The following SORT1 variants were observed in gnomAD, a reference collection of about 807,000 sequenced individuals.
SORT1 encodes the protein sortilin 1, also known as sortilin.
A neutral mutation model predicts 101.7 loss-of-function variants in SORT1; 39 were observed. That is an observed-to-expected ratio of 0.38 (90% CI 0.30 to 0.50). The LOEUF (loss-of-function observed/expected upper bound fraction) is 0.50, where lower values mean the gene tolerates loss of function less well. SORT1 is among the 20% of genes least tolerant of loss of function. The pLI is 0.90. For missense variants in SORT1, 878 were observed against 1,040.4 expected (o/e 0.84, Z 2.15); for synonymous variants, 396 against 393.7 (o/e 1.01, Z -0.07).
chr1:109,329,227 T>C (rs1403659630), intron 11 of SORT1, among the ~76,000 whole-genome samples: 1 of 152,192 alleles, frequency 6.6e-6, no homozygotes, highest in Non-Finnish European at 1.5e-5. Flanking sequence ...ACTCAAATGG[T>C]AGCCAAAAGA....
Position 109,397,676 on chromosome 1 carries a change from C to T in SORT1, c.217G>A (p.Gly73Ser). 8.3e-7 allele frequency: 1 copy of T among 1,204,732 alleles called. No homozygotes were observed. Among genetic ancestry groups the T allele is most frequent in the Non-Finnish European group, 1.0e-6 (1 of 969,268 alleles). The allele number at this position is 1,204,732 out of a possible 1,614,324, so 74.6% of individuals were successfully genotyped here. Residue 73 changes from glycine to serine, a missense_variant, in exon 1 of 20, where the codon GGC (glycine) becomes AGC (serine). Physicochemically the swap from Gly to Ser is moderately conservative, Grantham distance 56. Coordinates refer to ENST00000256637, the MANE Select transcript of SORT1 (RefSeq NM_002959.7). ...CCCGGCGCGCTGCGACGCCAACGGC[C>T]GCCGCGGGGAAACGCGCCCCCGGCT... ...AAAGGAFPRGGRWRRSAPGED... is the reference protein window; with the variant it reads ...AAAGGAFPRGSRWRRSAPGED...
chr1:109,340,568 T>C (rs1318820816), intron 10 of SORT1, among the ~76,000 whole-genome samples, 156 bp downstream of exon 10: 3 of 151,284 alleles, frequency 2.0e-5, no homozygotes, highest in Non-Finnish European at 4.4e-5. Flanking sequence ...GTTAGACATA[T>C]TGCCACAATA....
intron 8 of SORT1, among the ~76,000 whole-genome samples, chr1:109,344,871 A>AT (rs1206002776): frequency 2.6e-5 from 4 of 151,666 alleles, no homozygotes; most frequent in Admixed American, 2.0e-4. Context: ...TAATTTTCTT[A>AT]TTTTTTGTAG....
chr1:109,352,071 T>C (rs7536292), intron 5 of SORT1, among the ~76,000 whole-genome samples: 26,476 of 151,614 alleles, frequency 0.17, 2,589 homozygotes, highest in East Asian at 0.34. Context: ...ATAGGATGCA[T>C]TGTGATATCA....
intron 10 of SORT1, among the ~76,000 whole-genome samples, chr1:109,337,620 CCTA>C (rs760241628): frequency 1.3e-5 from 2 of 151,956 alleles, no homozygotes; most frequent in African/African-American, 2.4e-5. Context: ...CTACTGAGTG[CCTA>C]CTATGTGAAA....
intron 1 of SORT1, among the ~76,000 whole-genome samples, chr1:109,378,779 G>A (rs1245448792): frequency 1.8e-5 from 2 of 113,786 alleles, no homozygotes; most frequent in African/African-American, 6.7e-5. Flanking sequence ...TTATGTGTTA[G>A]TTGTATAAAT....
intron 13 of SORT1, among the ~76,000 whole-genome samples, chr1:109,325,557 A>G (rs1385207434): frequency 6.6e-6 from 1 of 152,098 alleles, no homozygotes; most frequent in African/African-American, 2.4e-5. Flanking sequence ...TTAACTTTTA[A>G]CGTCTGTAGT....
intron 1 of SORT1, among the ~76,000 whole-genome samples, chr1:109,378,745 T>C (rs1391112442): frequency 1.2e-5 from 1 of 81,540 alleles, no homozygotes; most frequent in Non-Finnish European, 2.5e-5. Context: ...TATATATATA[T>C]ATATATATAT....
rs1653279768 is a variant in SORT1 at position 109,397,707 on chromosome 1, C to A, written c.186G>T (p.Ala62=). ...GGGGAAACGCGCCCCCGGCTGCGGC[C>A]GCCCGCAGCCCCCAGCTCACCCCGA... ...GPIGVSWGLR[A]AAAGGAFPRG... Residue 62 remains alanine, a synonymous_variant, in exon 1 of 20, where the codon GCG becomes GCT. Transcript: ENST00000256637. 10 of 1,191,444 alleles carry A rather than the reference C, an allele frequency of 8.4e-6. No homozygotes were observed. The highest frequency in any genetic ancestry group is 1.0e-5 in the Non-Finnish European group (10 of 964,046). 73.8% of individuals were successfully genotyped at this position (1,191,444 alleles called of 1,614,324 possible). A position where few individuals can be genotyped will look rare whatever the true frequency, so the allele number is the denominator to read the frequency against.
intron 14 of SORT1, among the ~76,000 whole-genome samples, chr1:109,324,021 G>A (rs1570894239): frequency 1.3e-5 from 2 of 152,342 alleles, no homozygotes; most frequent in East Asian, 3.9e-4. Flanking sequence ...GCCCACGACA[G>A]TCTCAAAGGA....
rs750567164 is a variant in SORT1 at position 109,327,038 on chromosome 1, T to C, written c.1597A>G (p.Ile533Val). ...HYYTILDSGGIIVAIEHSSRP... is the reference protein window; with the variant it reads ...HYYTILDSGGVIVAIEHSSRP... ...CTGCTGTGCTCAATGGCCACAATGA[T>C]GCCTCCAGAATCCAGGATGGTGTAA... Residue 533 changes from isoleucine to valine, a missense_variant, in exon 13 of 20, where the codon ATC (isoleucine) becomes GTC (valine). By Grantham distance (29) the Ile-to-Val change is conservative. Transcript: ENST00000256637. 5 of 1,612,772 alleles carry C rather than the reference T, an allele frequency of 3.1e-6. No homozygotes were observed. Among genetic ancestry groups the C allele is most frequent in the Non-Finnish European group, 4.2e-6 (5 of 1,179,974 alleles).
intron 1 of SORT1, among the ~76,000 whole-genome samples, chr1:109,370,929 T>A: frequency 6.6e-6 from 1 of 152,294 alleles, no homozygotes; most frequent in Non-Finnish European, 1.5e-5. Context: ...AAGCCACCAA[T>A]CCCACATAGA....
At chr1:109,381,356 T>G (rs1046707525) in intron 1 of SORT1, among the ~76,000 whole-genome samples, 2 of 152,130 alleles carry the variant, frequency 1.3e-5, no homozygotes, top group Non-Finnish European at 1.5e-5. Flanking sequence ...AACTGGAGAT[T>G]TGTTAAGTAA....
At chr1:109,362,344 C>A (rs1650777482) in intron 3 of SORT1, among the ~76,000 whole-genome samples, 2 of 152,142 alleles carry the variant, frequency 1.3e-5, no homozygotes, top group Non-Finnish European at 2.9e-5. Context: ...CAGAACATAA[C>A]TATCACTAAT....
intron 1 of SORT1, among the ~76,000 whole-genome samples, chr1:109,374,774 C>A (rs1651714925): frequency 6.6e-6 from 1 of 152,096 alleles, no homozygotes; most frequent in African/African-American, 2.4e-5. Flanking sequence ...GCCTCACCAA[C>A]ATGGTGAAAA....
intron 3 of SORT1, among the ~76,000 whole-genome samples, chr1:109,357,174 T>C (rs1383815828): frequency 1.3e-5 from 2 of 152,228 alleles, no homozygotes; most frequent in African/African-American, 4.8e-5. Flanking sequence ...ACAGGTTTGT[T>C]GCCTAGGAAC....
At chr1:109,354,272 C>A in intron 5 of SORT1, 95 bp downstream of exon 5, 3 of 889,178 alleles carry the variant, frequency 3.4e-6, no homozygotes, top group African/African-American at 1.7e-5. Context: ...GAAAGAAGTC[C>A]AATATTAAAA....
chr1:109,397,745 A>T lies in SORT1; in HGVS notation c.148T>A (p.Trp50Arg). Residue 50 changes from tryptophan (W) to arginine (R), a missense_variant, in exon 1 of 20, where the codon TGG becomes AGG. Coordinates refer to ENST00000256637, the MANE Select transcript of SORT1 (RefSeq NM_002959.7). ...CAGCTCACCCCGATGGGGCCAGACCAGCGCGGCAGCGGCGCAGCGGGCGGC... is the reference window on the plus strand; with the variant it reads ...CAGCTCACCCCGATGGGGCCAGACCTGCGCGGCAGCGGCGCAGCGGGCGGC... The part of the protein sequence containing the change: ...PPPPAAPLPR[W>R]SGPIGVSWGL... 2 of 1,194,772 alleles carry T rather than the reference A, an allele frequency of 1.7e-6. No individual in the cohort carries two copies. The highest frequency in any genetic ancestry group is 2.7e-5 in the South Asian group (1 of 36,656). The allele number at this position is 1,194,772 out of a possible 1,614,324, so 74.0% of individuals were successfully genotyped here. A position where few individuals can be genotyped will look rare whatever the true frequency, so the allele number is the denominator to read the frequency against.
chr1:109,363,651 A>G (rs1033346074), intron 3 of SORT1, among the ~76,000 whole-genome samples: 1 of 152,206 alleles, frequency 6.6e-6, no homozygotes, highest in Non-Finnish European at 1.5e-5. Context: ...TAATACACAG[A>G]GCAGGTGGCA....
Sources: gnomAD v4.1 joint callset for allele counts (sites outside exome capture counted in the v4.1 genomes callset) on GRCh38, gnomAD v4.1.1 for gene constraint, MANE v1.5 for transcripts, NCBI Gene and HGNC (gene_info 2026-07-23, HGNC 2026-07-21) for gene names.